FHIP1A: variants seen among roughly 807,000 people sequenced by gnomAD.
FHIP1A encodes the protein FHF complex subunit HOOK-interacting protein 1A.
FHIP1A carries 61 observed loss-of-function variants against 88.6 expected under a neutral mutation model. The observed-to-expected ratio is 0.69, with a 90% CI of 0.56 to 0.85. The LOEUF (loss-of-function observed/expected upper bound fraction) is 0.85, where lower values mean the gene tolerates loss of function less well. Ranked by LOEUF, FHIP1A falls within the 40% of genes least tolerant of loss-of-function variation. The pLI, the probability that FHIP1A is intolerant of heterozygous loss-of-function variation, is 0.00. For synonymous variants in FHIP1A, 478 were observed against 496.0 expected (o/e 0.96, Z 0.48); for missense variants, 1,154 against 1,273.5 (o/e 0.91, Z 1.43).
intron 7 of FHIP1A, among the ~76,000 whole-genome samples, chr4:151,599,587 T>C (rs1734783861): frequency 6.6e-6 from 1 of 152,200 alleles, no homozygotes; most frequent in African/African-American, 2.4e-5. Context: ...ATTAGAGGCC[T>C]GCATCTCTCA....
intron 3 of FHIP1A, among the ~76,000 whole-genome samples, chr4:151,503,972 T>C (rs1292151541): frequency 6.6e-6 from 1 of 152,212 alleles, no homozygotes; most frequent in African/African-American, 2.4e-5. Flanking sequence ...GCATGAATCC[T>C]AACTGCACAA....
chr4:151,473,189 A>G (rs1444508522), intron 2 of FHIP1A, among the ~76,000 whole-genome samples: 1 of 152,180 alleles, frequency 6.6e-6, no homozygotes. Flanking sequence ...GATAATGTTC[A>G]TAAAGATCTC....
At chr4:151,538,992 G>A (rs1732169959) in intron 3 of FHIP1A, among the ~76,000 whole-genome samples, 1 of 152,192 alleles carries the variant, frequency 6.6e-6, no homozygotes, top group African/African-American at 2.4e-5. Flanking sequence ...TAAGTGTGCT[G>A]CTCAAGGCCA....
intron 2 of FHIP1A, among the ~76,000 whole-genome samples, chr4:151,475,734 A>G (rs756886460): frequency 2.0e-4 from 30 of 152,314 alleles, no homozygotes; most frequent in Non-Finnish European, 3.5e-4. Context: ...TAAAAGAATA[A>G]AACACTGTAA....
intron 2 of FHIP1A, among the ~76,000 whole-genome samples, chr4:151,469,802 A>G (rs1049377299): frequency 6.6e-6 from 1 of 152,146 alleles, no homozygotes; most frequent in Non-Finnish European, 1.5e-5. Context: ...TTCCACAGAT[A>G]CCTTTCAAAA....
chr4:151,487,205 A>G (rs36083376), intron 3 of FHIP1A, among the ~76,000 whole-genome samples: 18,887 of 152,054 alleles, frequency 0.12, 1,292 homozygotes, highest in African/African-American at 0.17. Flanking sequence ...CCTGTTCCCT[A>G]TGGATGATGG....
intron 8 of FHIP1A, among the ~76,000 whole-genome samples, chr4:151,632,048 GACACTC>G (rs1219554030): frequency 6.6e-6 from 1 of 151,994 alleles, no homozygotes. Flanking sequence ...CTGTCTAAAA[GACACTC>G]ACTTTCGATC....
chr4:151,613,918 T>C (rs549680785), intron 7 of FHIP1A, among the ~76,000 whole-genome samples: 1 of 152,120 alleles, frequency 6.6e-6, no homozygotes, highest in Non-Finnish European at 1.5e-5. Flanking sequence ...ATCCCAGCAC[T>C]TTGGGAGGCT....
intron 3 of FHIP1A, among the ~76,000 whole-genome samples, chr4:151,490,286 T>C (rs1365070108): frequency 6.6e-6 from 1 of 152,194 alleles, no homozygotes; most frequent in Non-Finnish European, 1.5e-5. Context: ...CCAGAGCAGG[T>C]GCTGGTATCC....
intron 1 of FHIP1A, among the ~76,000 whole-genome samples, chr4:151,418,444 G>GC (rs1732981731): frequency 6.6e-6 from 1 of 151,790 alleles, no homozygotes; most frequent in Non-Finnish European, 1.5e-5. Context: ...ATTGGAGAGT[G>GC]TTTTTTTTGT....
intron 3 of FHIP1A, among the ~76,000 whole-genome samples, chr4:151,502,040 G>A (rs1324526347): frequency 6.6e-6 from 1 of 151,152 alleles, no homozygotes; most frequent in Non-Finnish European, 1.5e-5. Flanking sequence ...AAGGGGCCAG[G>A]CACAATGGCT....
intron 3 of FHIP1A, among the ~76,000 whole-genome samples, chr4:151,506,971 A>T (rs1209722208): frequency 6.6e-6 from 1 of 152,200 alleles, no homozygotes; most frequent in Non-Finnish European, 1.5e-5. Flanking sequence ...ATCAAATATG[A>T]CATGCCATTA....
At chr4:151,499,477 T>G (rs1368787292) in intron 3 of FHIP1A, among the ~76,000 whole-genome samples, 3 of 152,234 alleles carry the variant, frequency 2.0e-5, no homozygotes, top group Non-Finnish European at 2.9e-5. Context: ...TCTTGAACTT[T>G]CCTTGACCAT....
intron 3 of FHIP1A, among the ~76,000 whole-genome samples, chr4:151,507,399 C>A (rs1730872598): frequency 6.6e-6 from 1 of 151,774 alleles, no homozygotes; most frequent in Non-Finnish European, 1.5e-5. Flanking sequence ...GCTAGGATTA[C>A]AATAAGGAAT....
At chr4:151,526,852 C>T (rs1254437279) in intron 3 of FHIP1A, among the ~76,000 whole-genome samples, 5 of 150,650 alleles carry the variant, frequency 3.3e-5, no homozygotes, top group Non-Finnish European at 3.0e-5. Flanking sequence ...TCAGATGGGG[C>T]GGCCGGGCAG....
chr4:151,509,749 G>A (rs1580648356), intron 3 of FHIP1A, among the ~76,000 whole-genome samples: 1 of 139,472 alleles, frequency 7.2e-6, no homozygotes, highest in East Asian at 2.0e-4. Flanking sequence ...TAAAAATACT[G>A]TCTCTATGTT....
intron 1 of FHIP1A, among the ~76,000 whole-genome samples, chr4:151,415,598 T>C (rs1732862086): frequency 6.6e-6 from 1 of 152,254 alleles, no homozygotes; most frequent in Non-Finnish European, 1.5e-5. Context: ...ACACTTGTGT[T>C]TTCTGTAGGA....
At chr4:151,602,652 A>G (rs543135709) in intron 7 of FHIP1A, among the ~76,000 whole-genome samples, 24 of 152,292 alleles carry the variant, frequency 1.6e-4, no homozygotes, top group African/African-American at 5.5e-4. Flanking sequence ...AGGACTGAGA[A>G]AAGACCCTAA....
intron 1 of FHIP1A, among the ~76,000 whole-genome samples, chr4:151,443,501 G>T (rs1335116119): frequency 1.3e-5 from 2 of 151,994 alleles, no homozygotes; most frequent in Non-Finnish European, 2.9e-5. Flanking sequence ...CGCTTTCAGG[G>T]TCAGTTTTCC....
Sources: gnomAD v4.1 joint callset for allele counts (sites outside exome capture counted in the v4.1 genomes callset) on GRCh38, gnomAD v4.1.1 for gene constraint, MANE v1.5 for transcripts, NCBI Gene and HGNC (gene_info 2026-07-23, HGNC 2026-07-21) for gene names.